Variants in DAB1 observed in about 807,000 individuals in gnomAD.
DAB1 encodes DAB adaptor protein 1.
Under a neutral mutation model 64.6 loss-of-function variants are expected in DAB1, and 15 were observed. The ratio of observed to expected loss-of-function variants is 0.23; its 90% CI spans 0.16 to 0.36. The LOEUF is 0.36. Ranked by LOEUF, DAB1 falls within the 10% of genes least tolerant of loss-of-function variation. The pLI is 1.00. For missense variants in DAB1, 596 were observed against 706.7 expected (o/e 0.84, Z 1.78); for synonymous variants, 235 against 251.9 (o/e 0.93, Z 0.64).
intron 1 of DAB1, among the ~76,000 whole-genome samples, chr1:57,360,312 A>G (rs1679446372): frequency 6.6e-6 from 1 of 152,138 alleles, no homozygotes; most frequent in Non-Finnish European, 1.5e-5. Context: ...CCACTTGTCA[A>G]AAGGAGGGGT....
chr1:58,027,886 G>A (rs1278585384), intron 5 of DAB1, among the ~76,000 whole-genome samples: 1 of 152,152 alleles, frequency 6.6e-6, no homozygotes, highest in Admixed American at 6.6e-5. Flanking sequence ...AAAGAATTAA[G>A]CATTTAATTC....
At chr1:57,169,178 C>G (rs762011278) in intron 2 of DAB1, among the ~76,000 whole-genome samples, 8 of 152,260 alleles carry the variant, frequency 5.3e-5, no homozygotes, top group Middle Eastern at 3.4e-3. Context: ...TTTCTAAACA[C>G]AACTAAAATC....
At chr1:57,113,848 C>T (rs958767021) in intron 4 of DAB1, among the ~76,000 whole-genome samples, 3 of 152,168 alleles carry the variant, frequency 2.0e-5, no homozygotes, top group African/African-American at 7.2e-5. Flanking sequence ...CCAGACCTTT[C>T]TCATTCCAAA....
intron 2 of DAB1, among the ~76,000 whole-genome samples, chr1:57,238,084 G>A (rs561010150): frequency 4.2e-4 from 64 of 152,254 alleles, no homozygotes; most frequent in Non-Finnish European, 7.5e-4. Flanking sequence ...GGAACCAAAA[G>A]GGGTTTTAGA....
At chr1:57,530,131 A>C (rs775585469) in intron 7 of DAB1, among the ~76,000 whole-genome samples, 2 of 152,172 alleles carry the variant, frequency 1.3e-5, no homozygotes, top group African/African-American at 2.4e-5. Context: ...ACACGTGCAA[A>C]TACTTTGATG....
intron 5 of DAB1, among the ~76,000 whole-genome samples, chr1:57,905,858 A>G (rs1277086906): frequency 2.0e-5 from 3 of 152,208 alleles, no homozygotes; most frequent in Non-Finnish European, 4.4e-5. Context: ...ACAGGCAGAA[A>G]TATGTAAAGG....
At chr1:57,972,472 G>T (rs569777718) in intron 5 of DAB1, among the ~76,000 whole-genome samples, 24 of 152,180 alleles carry the variant, frequency 1.6e-4, no homozygotes, top group African/African-American at 5.5e-4. Context: ...CGAACTCCTG[G>T]CCTCAAGTGG....
chr1:58,214,566 T>C (rs1658740831), intron 4 of DAB1, among the ~76,000 whole-genome samples: 1 of 152,166 alleles, frequency 6.6e-6, no homozygotes, highest in South Asian at 2.1e-4. Flanking sequence ...TTCTGAAAAG[T>C]GGCCACTGGA....
intron 9 of DAB1, among the ~76,000 whole-genome samples, chr1:57,049,519 C>A (rs17838096): frequency 0.02 from 1,329 of 66,586 alleles, 29 homozygotes; most frequent in African/African-American, 0.047. Context: ...ACTGACAGAG[C>A]CTACAGGGAG....
intron 1 of DAB1, among the ~76,000 whole-genome samples, chr1:57,410,127 G>T (rs61769757): frequency 0.12 from 17,601 of 152,108 alleles, 1,208 homozygotes; most frequent in Non-Finnish European, 0.16. Flanking sequence ...GACAGAAAAG[G>T]ATAAGAAAAT....
rs78189518 is a variant in DAB1, at chr1:58,434,806, C to G, written n.257+71254G>C. ...AAACAAAGTGCATCCCCTGCATGTC[C>G]CAGCTCACTCACTTCCTTCTCAAAC... On this transcript the variant is annotated intron_variant and non_coding_transcript_variant, in intron 3 of 20. Transcript: ENST00000485760. 5.4e-3 allele frequency among the ~76,000 whole-genome samples: 819 copies of G among 152,260 alleles called. 5 individuals are homozygous for G. The highest frequency in any genetic ancestry group is 0.018 in the African/African-American group (761 of 41,544).
intron 3 of DAB1, among the ~76,000 whole-genome samples, chr1:58,361,639 G>A (rs1257215729): frequency 6.6e-6 from 1 of 152,078 alleles, no homozygotes; most frequent in Non-Finnish European, 1.5e-5. Flanking sequence ...TTCTGACCCT[G>A]AGCAGAGGTT....
At chr1:58,313,952 G>A (rs1662491717) in intron 4 of DAB1, among the ~76,000 whole-genome samples, 1 of 151,738 alleles carries the variant, frequency 6.6e-6, no homozygotes, top group South Asian at 2.1e-4. Flanking sequence ...TGGAGATTAG[G>A]ATTTTAACAT....
intron 2 of DAB1, among the ~76,000 whole-genome samples, chr1:57,221,948 ATTT>A (rs1027185955): frequency 2.3e-5 from 3 of 132,840 alleles, no homozygotes; most frequent in African/African-American, 8.5e-5. Flanking sequence ...GTTACTTTTT[ATTT>A]TTATTTGCCC....
chr1:57,516,385 A>G (rs984328282), intron 7 of DAB1, among the ~76,000 whole-genome samples: 1 of 152,224 alleles, frequency 6.6e-6, no homozygotes, highest in Non-Finnish European at 1.5e-5. Context: ...TGATGAAGAC[A>G]TAAGACCGGA....
chr1:58,121,190 T>G (rs1423909952), intron 5 of DAB1, among the ~76,000 whole-genome samples: 1 of 152,158 alleles, frequency 6.6e-6, no homozygotes, highest in Non-Finnish European at 1.5e-5. Context: ...TTTCAGGTTA[T>G]GATCATCAAG....
At chr1:58,129,352 T>G (rs1275972684) in intron 5 of DAB1, among the ~76,000 whole-genome samples, 1 of 147,720 alleles carries the variant, frequency 6.8e-6, no homozygotes, top group Non-Finnish European at 1.5e-5. Context: ...CTCTCTTTTT[T>G]TCTTTATTAG....
intron 6 of DAB1, chr1:57,649,801 A>G (rs1288354859): frequency 6.6e-6 from 1 of 152,234 alleles, no homozygotes; most frequent in Non-Finnish European, 1.5e-5. Context: ...AGAGATGGAT[A>G]AAATAAAAAT....
intron 1 of DAB1, among the ~76,000 whole-genome samples, chr1:57,356,405 A>G (rs775967476): frequency 2.0e-5 from 3 of 152,128 alleles, no homozygotes; most frequent in Admixed American, 6.6e-5. Flanking sequence ...AGCAACTGAC[A>G]TATAGAGCAA....
Sources: gnomAD v4.1 joint callset for allele counts (sites outside exome capture counted in the v4.1 genomes callset) on GRCh38, gnomAD v4.1.1 for gene constraint, MANE v1.5 for transcripts, NCBI Gene and HGNC (gene_info 2026-07-23, HGNC 2026-07-21) for gene names.